Variants in OTOG observed in about 807,000 individuals in gnomAD.
The protein encoded by OTOG is otogelin.
A neutral mutation model predicts 313.8 loss-of-function variants in OTOG; 296 were observed. That is an observed-to-expected ratio of 0.94 (90% CI 0.86 to 1.04). The LOEUF (loss-of-function observed/expected upper bound fraction) is 1.04, where lower values mean the gene tolerates loss of function less well. Among genes scored for constraint, OTOG ranks in the 50% least tolerant of loss-of-function variants. The pLI is 0.00. For synonymous variants in OTOG, 1,533 were observed against 1,554.9 expected (o/e 0.99, Z 0.33); for missense variants, 3,948 against 3,840.1 (o/e 1.03, Z -0.74).
Position 17,547,644 on chromosome 11 carries a change from G to A in OTOG, c.94+178G>A, listed in dbSNP as rs940400842. 3.4e-6 allele frequency: 4 copies of A among 1,167,628 alleles called. No individual in the cohort carries two copies. The African/African-American group carries it at 4.8e-5, about 14-fold the overall frequency. The allele number at this position is 1,167,628 out of a possible 1,614,324, so 72.3% of individuals were successfully genotyped here. ...GGGACCCCGAAGCCAACAGAGGCAG[G>A]CCTATGACCGCGGGGGAAAGAGTCC... On this transcript the variant is annotated intron_variant, in intron 1 of 55. Transcript: ENST00000399397.
intron 28 of OTOG, among the ~76,000 whole-genome samples, chr11:17,595,316 C>T (rs530493216): frequency 1.1e-4 from 17 of 152,354 alleles, no homozygotes; most frequent in African/African-American, 2.2e-4. Context: ...TAATCCCATT[C>T]GGCATACCAT....
At chr11:17,622,389 C>T (rs1206394017) in intron 39 of OTOG, among the ~76,000 whole-genome samples, 2 of 152,152 alleles carry the variant, frequency 1.3e-5, no homozygotes, top group African/African-American at 2.4e-5. Context: ...TAATTATATA[C>T]TCATTTATTT....
chr11:17,632,013 G>T, intron 41 of OTOG, 75 bp from the exon 42 acceptor site: 1 of 1,540,522 alleles, frequency 6.5e-7, no homozygotes, highest in Non-Finnish European at 8.8e-7. Context: ...GTTCCTTTTG[G>T]GCAGGGAGGG....
chr11:17,612,423 C>T, intron 37 of OTOG, 93 bp downstream of exon 37: 1 of 1,438,446 alleles, frequency 7.0e-7, no homozygotes, highest in Non-Finnish European at 9.2e-7. Context: ...CCAGACTCCC[C>T]TCCTGTGGGA....
At position 17,632,152 on chromosome 11, in the gene OTOG, T is replaced by A. The variant is rs1301386342; in HGVS notation, c.6998T>A (p.Val2333Glu). ...ACCAAGTACGTGCAGCAGCCCTGCG[T>A]GGCCCTGACTGTGTACGTGGCCATG... The part of the protein sequence containing the change: ...RDTKYVQQPC[V>E]ALTVYVAMCH... Residue 2333 changes from valine to glutamate, a missense_variant, in exon 42 of 56, where the codon GTG (valine) becomes GAG (glutamate). Val to Glu is a moderately radical substitution (Grantham distance 121). Coordinates refer to ENST00000399397, the MANE Select transcript of OTOG (RefSeq NM_001292063.2). 6.4e-7 allele frequency: 1 copy of A among 1,551,090 alleles called. No individual in the cohort carries two copies. Among genetic ancestry groups the A allele is most frequent in the Admixed American group, 2.0e-5 (1 of 51,018 alleles).
At position 17,561,691 on chromosome 11, in the gene OTOG, T is replaced by C; in HGVS notation, c.1528T>C (p.Phe510Leu). Residue 510 changes from phenylalanine to leucine, a missense_variant, in exon 15 of 56, where the codon TTC becomes CTC. Physicochemically the swap from Phe to Leu is conservative, Grantham distance 22. Coordinates refer to ENST00000399397, the MANE Select transcript of OTOG (RefSeq NM_001292063.2). ...GTGCTCAGTGACTGGTGACATTCAC[T>C]TCACAACCTTTGATGGCCGCCGGTA... ...AECSVTGDIHFTTFDGRRYTF... is the reference protein window; with the variant it reads ...AECSVTGDIHLTTFDGRRYTF... 1.3e-6 allele frequency: 2 copies of C among 1,550,562 alleles called. No homozygotes were observed. Among genetic ancestry groups the C allele is most frequent in the East Asian group, 2.4e-5 (1 of 40,900 alleles).
chr11:17,643,433 C>T (rs1386019169), intron 53 of OTOG, 28 bp from the exon 54 acceptor site: 2 of 1,417,962 alleles, frequency 1.4e-6, no homozygotes, highest in East Asian at 2.9e-5. Flanking sequence ...TCCACACCTA[C>T]CTACCTCCCC....
chr11:17,581,573 T>A (rs1208079595), intron 23 of OTOG, among the ~76,000 whole-genome samples: 2 of 152,210 alleles, frequency 1.3e-5, no homozygotes, highest in East Asian at 3.8e-4. Context: ...GAGCCTCCAG[T>A]CAGCTTTTGA....
chr11:17,561,651 C>T lies in OTOG; in HGVS notation c.1499-11C>T, dbSNP rs1409614225. On this transcript the variant is annotated splice_polypyrimidine_tract_variant and intron_variant, in intron 14 of 55. Transcript: ENST00000399397. ...GCTCCCATGGGTCAGTGGCCTTTTT[C>T]TACCTCTCAGCTGAGTGCTCAGTGA... The T allele has an allele frequency of 6.4e-7, 1 of 1,550,564 alleles. No homozygotes were observed. The highest frequency in any genetic ancestry group is 1.2e-5 in the South Asian group (1 of 84,062).
chr11:17,579,982 G>A (rs929643237), intron 23 of OTOG, among the ~76,000 whole-genome samples: 3 of 152,220 alleles, frequency 2.0e-5, no homozygotes, highest in Admixed American at 6.5e-5. Flanking sequence ...TAAGGGAAGG[G>A]CAGGCATTTC....
At position 17,559,663 on chromosome 11, in the gene OTOG, G is replaced by T. The variant is rs780779633; in HGVS notation, c.1342+1G>T. ...GTGGACGGCTGCTATTGCCCCAATG[G>T]TATGCTAGGGGCAGACGTAGGTGCC... is the stretch of plus-strand genomic sequence containing the variant. On this transcript the variant is annotated splice_donor_variant, in intron 12 of 55. Coordinates refer to ENST00000399397, the MANE Select transcript of OTOG (RefSeq NM_001292063.2). LOFTEE classifies it high-confidence loss of function. 2.6e-6 allele frequency: 4 copies of T among 1,550,458 alleles called. No homozygotes were observed. The Admixed American group carries it at 7.8e-5, about 30-fold the overall frequency.
rs1300008749 is a variant in OTOG at position 17,641,856 on chromosome 11, T to G, written c.8200T>G (p.Tyr2734Asp). 1 of 1,549,186 alleles carries G rather than the reference T, an allele frequency of 6.5e-7. No homozygotes were observed. The highest frequency in any genetic ancestry group is 8.7e-7 in the Non-Finnish European group (1 of 1,146,382). The change falls in exon 52 of 56, where the codon TAC becomes GAC. Residue 2734 changes from tyrosine (Y) to aspartate (D), a missense_variant. By Grantham distance (160) the Tyr-to-Asp change is radical. Coordinates refer to ENST00000399397, the MANE Select transcript of OTOG (RefSeq NM_001292063.2). ...CDIHCEANQE[Y>D]EHPRDLAACC... ...CCGCCCTGGCCTGTAGAACCAGGAG[T>G]ACGAGCACCCGCGGGACCTCGCTGC...
Position 17,569,234 on chromosome 11 carries a change from G to A in OTOG, c.1723G>A (p.Ala575Thr), listed in dbSNP as rs1266983964. 6.4e-7 allele frequency: 1 copy of A among 1,550,576 alleles called. No individual in the cohort carries two copies. The highest frequency in any genetic ancestry group is 8.7e-7 in the Non-Finnish European group (1 of 1,146,980). The change falls in exon 16 of 56, where the codon GCA becomes ACA. Residue 575 changes from alanine to threonine, a missense_variant. Transcript: ENST00000399397. ...TCGGAGGCAGGTGACCCTGACCCAG[G>A]CAGGGGATGTCCTTCTGTTTGACCA... is the stretch of plus-strand genomic sequence containing the variant. The part of the protein sequence containing the change: ...DPRRQVTLTQ[A>T]GDVLLFDQYK...
At chr11:17,606,461 G>T (rs1476699) in intron 33 of OTOG, among the ~76,000 whole-genome samples, 4 of 152,174 alleles carry the variant, frequency 2.6e-5, no homozygotes, top group African/African-American at 9.6e-5. Flanking sequence ...ATGCGTAGCC[G>T]CTGGCTCAGT....
chr11:17,595,695 C>G (rs1169635080), intron 28 of OTOG, among the ~76,000 whole-genome samples: 1 of 152,178 alleles, frequency 6.6e-6, no homozygotes, highest in Non-Finnish European at 1.5e-5. Context: ...ACCCTCAGCT[C>G]CAAGAGACCA....
At chr11:17,569,760 A>G (rs895174667) in intron 16 of OTOG, among the ~76,000 whole-genome samples, 1 of 152,236 alleles carries the variant, frequency 6.6e-6, no homozygotes, top group Non-Finnish European at 1.5e-5. Flanking sequence ...AAATAAATAT[A>G]AACCATAAAG....
chr11:17,624,503 T>C (rs1239279688), intron 39 of OTOG, among the ~76,000 whole-genome samples: 11 of 152,182 alleles, frequency 7.2e-5, no homozygotes, highest in Non-Finnish European at 1.3e-4. Context: ...TTCTGTTCCA[T>C]TGGTCTATGT....
chr11:17,554,260 G>A (rs998762539), intron 6 of OTOG, among the ~76,000 whole-genome samples: 7 of 152,140 alleles, frequency 4.6e-5, no homozygotes, highest in South Asian at 2.1e-4. Flanking sequence ...ATATTATGAC[G>A]CTGTCATTGT....
chr11:17,642,314 G>C (rs555201577), intron 53 of OTOG, 68 bp downstream of exon 53: 5 of 1,495,926 alleles, frequency 3.3e-6, no homozygotes, highest in Non-Finnish European at 4.5e-6. Context: ...TGGTGGGGTG[G>C]AGGTCCTGTG....
Sources: allele counts gnomAD v4.1 joint callset (sites outside exome capture counted in the v4.1 genomes callset), GRCh38; gene constraint gnomAD v4.1.1; transcripts MANE v1.5; gene names NCBI Gene and HGNC (gene_info 2026-07-23, HGNC 2026-07-21).